Variants in COL19A1 observed in about 807,000 individuals in gnomAD.
COL19A1 encodes the protein collagen alpha-1(XIX) chain.
COL19A1 carries 159 observed loss-of-function variants against 190.2 expected under a neutral mutation model. The observed-to-expected ratio is 0.84, with a 90% confidence interval of 0.73 to 0.95. The LOEUF is 0.95. COL19A1 is among the 40% of genes least tolerant of loss of function. The pLI is 0.00. For synonymous variants in COL19A1, 509 were observed against 458.9 expected, an observed-to-expected ratio of 1.11 and a Z score of -1.39; for missense variants, 1,418 against 1,431.9, an observed-to-expected ratio of 0.99 and a Z score of 0.16.
chr6:69,891,059 G>T, intron 2 of COL19A1: 1 of 342,418 alleles, frequency 2.9e-6, no homozygotes, highest in South Asian at 2.7e-5. Flanking sequence ...TTTGGAGTTT[G>T]ATGGCCTGAA....
At chr6:70,000,164 C>T (rs1046817945) in intron 11 of COL19A1, among the ~76,000 whole-genome samples, 5 of 152,074 alleles carry the variant, frequency 3.3e-5, no homozygotes, top group Admixed American at 6.5e-5. Flanking sequence ...TGATGGTTTC[C>T]GGCTTCATCC....
At chr6:70,163,510 G>A in intron 36 of COL19A1, 114 bp downstream of exon 36, 2 of 906,044 alleles carry the variant, frequency 2.2e-6, no homozygotes, top group Non-Finnish European at 3.4e-6. Flanking sequence ...TAGAAATGAT[G>A]GTAGAAAGTA....
intron 41 of COL19A1, among the ~76,000 whole-genome samples, chr6:70,174,099 T>C (rs1404204197): frequency 1.3e-5 from 2 of 152,170 alleles, no homozygotes; most frequent in African/African-American, 4.8e-5. Flanking sequence ...GTTTTCTGAT[T>C]GCTTAAATTT....
intron 44 of COL19A1, 75 bp from the exon 45 acceptor site, chr6:70,184,628 C>T (rs775498828): frequency 2.1e-4 from 257 of 1,212,182 alleles, no homozygotes; most frequent in Admixed American, 3.2e-4. Context: ...GAACTGTCCT[C>T]GAAACCTTAT....
At chr6:69,988,456 G>A (rs867197572) in intron 11 of COL19A1, among the ~76,000 whole-genome samples, 2 of 152,298 alleles carry the variant, frequency 1.3e-5, no homozygotes, top group African/African-American at 4.8e-5. Flanking sequence ...GTTCCCAGAT[G>A]AGAAATTAAT....
At chr6:69,888,998 C>T (rs1769143726) in intron 2 of COL19A1, among the ~76,000 whole-genome samples, 1 of 152,090 alleles carries the variant, frequency 6.6e-6, no homozygotes, top group Admixed American at 6.5e-5. Flanking sequence ...AACAAAGAGC[C>T]TTTATTTTTT....
chr6:69,872,858 ACT>A (rs1020085263), intron 1 of COL19A1, among the ~76,000 whole-genome samples: 1 of 152,214 alleles, frequency 6.6e-6, no homozygotes, highest in African/African-American at 2.4e-5. Flanking sequence ...GCACTGGGGA[ACT>A]CTGGGGTCTG....
At chr6:70,030,575 A>T (rs772681426) in intron 12 of COL19A1, among the ~76,000 whole-genome samples, 26 of 152,168 alleles carry the variant, frequency 1.7e-4, no homozygotes, top group Non-Finnish European at 2.8e-4. Flanking sequence ...TTAGTCTTAC[A>T]TGTTTGCAGA....
intron 11 of COL19A1, among the ~76,000 whole-genome samples, chr6:70,005,275 T>A (rs1020805865): frequency 1.3e-5 from 2 of 152,180 alleles, no homozygotes; most frequent in South Asian, 4.1e-4. Context: ...TTGTTTCTCA[T>A]CTTCATGAGT....
chr6:70,123,972 T>TAA (rs200471705), intron 17 of COL19A1, among the ~76,000 whole-genome samples: 3 of 143,868 alleles, frequency 2.1e-5, no homozygotes, highest in Non-Finnish European at 1.5e-5. Context: ...ATAATAAATT[T>TAA]AAAAAAAAAA....
At chr6:70,131,750 T>C (rs1785538115) in intron 18 of COL19A1, among the ~76,000 whole-genome samples, 1 of 152,228 alleles carries the variant, frequency 6.6e-6, no homozygotes. Flanking sequence ...TTTTAAAGTA[T>C]TTAAATGATG....
intron 14 of COL19A1, among the ~76,000 whole-genome samples, chr6:70,066,918 G>T (rs1781258337): frequency 6.6e-6 from 1 of 152,038 alleles, no homozygotes; most frequent in Non-Finnish European, 1.5e-5. Flanking sequence ...AAAACTTTTT[G>T]AAAATTACTG....
intron 12 of COL19A1, among the ~76,000 whole-genome samples, chr6:70,030,551 A>G (rs1439672829): frequency 6.6e-6 from 1 of 152,160 alleles, no homozygotes; most frequent in Non-Finnish European, 1.5e-5. Context: ...ACACATTTAT[A>G]AGGAGTATAT....
chr6:70,190,472 A>T, intron 48 of COL19A1, 91 bp downstream of exon 48: 1 of 843,828 alleles, frequency 1.2e-6, no homozygotes, highest in Non-Finnish European at 1.9e-6. Flanking sequence ...TTCTCGAAAG[A>T]TGGCCATGCC....
intron 18 of COL19A1, among the ~76,000 whole-genome samples, chr6:70,132,967 T>C (rs1785614936): frequency 1.3e-5 from 2 of 152,272 alleles, no homozygotes; most frequent in Admixed American, 6.5e-5. Flanking sequence ...AAAAGCGCAA[T>C]AACTAAAACA....
rs79130291 is a variant in COL19A1, at chr6:70,209,048, G to C, written c.*1774G>C. The C allele has an allele frequency of 7.1e-6, 1 of 140,844 alleles. No homozygotes were observed. Among genetic ancestry groups the C allele is most frequent in the African/African-American group, 2.7e-5 (1 of 37,372 alleles). 8.7% of individuals were successfully genotyped at this position (140,844 alleles called of 1,614,324 possible). A position where few individuals can be genotyped will look rare whatever the true frequency, so the allele number is the denominator to read the frequency against. On this transcript the variant is annotated 3_prime_UTR_variant, in exon 51 of 51. Transcript: ENST00000620364. ...TTTTGACATTGATTTTTTTTTTTTC[G>C]TTTTCTTTCTTGTGCAATACCTACA...
intron 15 of COL19A1, among the ~76,000 whole-genome samples, chr6:70,098,872 A>G (rs1054946675): frequency 1.2e-4 from 18 of 151,852 alleles, no homozygotes; most frequent in African/African-American, 4.4e-4. Context: ...GGGTCCTTGG[A>G]GAGAAGAACA....
intron 19 of COL19A1, among the ~76,000 whole-genome samples, chr6:70,139,024 C>G (rs1786063446): frequency 6.6e-6 from 1 of 152,112 alleles, no homozygotes; most frequent in Admixed American, 6.6e-5. Context: ...TGACACCAAC[C>G]TTCTCTTAAT....
At chr6:70,061,341 T>G (rs1403628734) in intron 14 of COL19A1, among the ~76,000 whole-genome samples, 1 of 151,978 alleles carries the variant, frequency 6.6e-6, no homozygotes, top group Non-Finnish European at 1.5e-5. Context: ...ATTCAAAGAG[T>G]GAATGATTCA....
Sources: gnomAD v4.1 joint callset for allele counts (sites outside exome capture counted in the v4.1 genomes callset) on GRCh38, gnomAD v4.1.1 for gene constraint, MANE v1.5 for transcripts, NCBI Gene and HGNC (gene_info 2026-07-23, HGNC 2026-07-21) for gene names.